CSMD1: variants seen among roughly 807,000 people sequenced by gnomAD.
CSMD1 encodes CUB and Sushi multiple domains 1.
A neutral mutation model predicts 417.5 loss-of-function variants in CSMD1; 213 were observed. That is an observed-to-expected ratio of 0.51 (90% confidence interval 0.46 to 0.57). The LOEUF is 0.57. Ranked by LOEUF, CSMD1 falls within the 20% of genes least tolerant of loss-of-function variation. The pLI, the probability that CSMD1 is intolerant of heterozygous loss-of-function variation, is 0.00. For synonymous variants in CSMD1, 2,862 were observed against 1,736.8 expected (o/e 1.65, Z -16.11); for missense variants, 6,923 against 4,529.7 (o/e 1.53, Z -15.17).
chr8:3,613,315 G>A (rs1353699719), intron 8 of CSMD1: 3 of 415,696 alleles, frequency 7.2e-6, no homozygotes, highest in South Asian at 1.8e-5. Context: ...AGCTTCCCTG[G>A]TGAATTATTC....
chr8:3,093,794 C>T (rs931534487), intron 47 of CSMD1, among the ~76,000 whole-genome samples: 6 of 152,024 alleles, frequency 3.9e-5, no homozygotes, highest in Non-Finnish European at 5.9e-5. Context: ...ATTAAATAAT[C>T]GGGCAATGCT....
chr8:3,310,287 C>T lies in CSMD1; in HGVS notation c.3632-1784G>A, dbSNP rs141207939. 2.7e-3 allele frequency among the ~76,000 whole-genome samples: 405 copies of T among 152,250 alleles called. 4 individuals carry two copies. Among genetic ancestry groups the T allele is most frequent in the African/African-American group, 9.0e-3 (373 of 41,542 alleles). On this transcript the variant is annotated intron_variant, in intron 23 of 69. Coordinates refer to ENST00000635120, the MANE Select transcript of CSMD1 (RefSeq NM_033225.6). ...ATTATTCAGTGCTCATTTCTGTTTTCGCAGAGAGGAAAAAAGAAGCAGAAG... is the reference window on the plus strand; with the variant it reads ...ATTATTCAGTGCTCATTTCTGTTTTTGCAGAGAGGAAAAAAGAAGCAGAAG...
chr8:4,917,695 G>A (rs552174165), intron 1 of CSMD1, among the ~76,000 whole-genome samples: 2 of 152,284 alleles, frequency 1.3e-5, no homozygotes, highest in South Asian at 4.2e-4. Context: ...TGGGGGCATA[G>A]AGACAAACCG....
At chr8:4,844,866 T>A (rs1034604429) in intron 1 of CSMD1, among the ~76,000 whole-genome samples, 1 of 152,180 alleles carries the variant, frequency 6.6e-6, no homozygotes, top group African/African-American at 2.4e-5. Context: ...ATGCCAGTAC[T>A]ACATCTGCTT....
intron 7 of CSMD1, among the ~76,000 whole-genome samples, chr8:3,621,878 G>C (rs1445073519): frequency 2.0e-5 from 3 of 151,986 alleles, no homozygotes; most frequent in South Asian, 2.1e-4. Context: ...CAAAGTGCTG[G>C]AATTACAGTA....
At chr8:4,476,483 T>C (rs1224367954) in intron 2 of CSMD1, among the ~76,000 whole-genome samples, 1 of 152,206 alleles carries the variant, frequency 6.6e-6, no homozygotes, top group East Asian at 1.9e-4. Context: ...CTCATCTGAA[T>C]TAATACTGAA....
chr8:3,661,025 C>T (rs540343296), intron 7 of CSMD1, among the ~76,000 whole-genome samples: 2 of 152,162 alleles, frequency 1.3e-5, no homozygotes, highest in African/African-American at 2.4e-5. Context: ...ATTTGGTATG[C>T]GGATGCTTCC....
intron 2 of CSMD1, among the ~76,000 whole-genome samples, chr8:4,506,247 C>A (rs1802520014): frequency 6.6e-6 from 1 of 152,080 alleles, no homozygotes; most frequent in Non-Finnish European, 1.5e-5. Flanking sequence ...ATTGGAGCAC[C>A]TCACTAATGT....
chr8:4,301,098 T>C (rs567531213), intron 3 of CSMD1, among the ~76,000 whole-genome samples: 1 of 152,148 alleles, frequency 6.6e-6, no homozygotes, highest in Admixed American at 6.5e-5. Context: ...GAGTTCCCAT[T>C]GAAACTCTTG....
chr8:4,445,858 T>C (rs1413505491), intron 2 of CSMD1, among the ~76,000 whole-genome samples: 1 of 152,176 alleles, frequency 6.6e-6, no homozygotes, highest in Non-Finnish European at 1.5e-5. Context: ...AATGCAGAAG[T>C]GTTCTCCCGC....
chr8:4,293,045 C>T (rs1296095085), intron 3 of CSMD1, among the ~76,000 whole-genome samples: 4 of 152,140 alleles, frequency 2.6e-5, no homozygotes, highest in Non-Finnish European at 4.4e-5. Flanking sequence ...TGAGAAGGGG[C>T]TATTCCACCA....
intron 23 of CSMD1, among the ~76,000 whole-genome samples, chr8:3,317,048 A>G (rs377065240): frequency 6.6e-6 from 1 of 152,092 alleles, no homozygotes; most frequent in Admixed American, 6.6e-5. Context: ...AGCCTGAGTG[A>G]GAGTGGACAC....
chr8:4,212,748 ATTCTTTTTT>A (rs1302243265), intron 3 of CSMD1, among the ~76,000 whole-genome samples: 1 of 101,864 alleles, frequency 9.8e-6, no homozygotes, highest in African/African-American at 5.3e-5. Flanking sequence ...CAGCGGCCTT[ATTCTTTTTT>A]TTTTTTTTTT....
At chr8:4,220,441 G>C (rs1800958172) in intron 3 of CSMD1, among the ~76,000 whole-genome samples, 1 of 152,242 alleles carries the variant, frequency 6.6e-6, no homozygotes, top group Non-Finnish European at 1.5e-5. Context: ...GATGGCATTA[G>C]AGGTCAGGGC....
intron 1 of CSMD1, among the ~76,000 whole-genome samples, chr8:4,949,177 G>A (rs867002397): frequency 6.6e-5 from 10 of 152,026 alleles, no homozygotes; most frequent in Non-Finnish European, 1.5e-4. Context: ...AGTTTATCAT[G>A]TTATAATATT....
Position 3,969,834 on chromosome 8 carries a change from G to C in CSMD1, c.818+28069C>G, listed in dbSNP as rs181233782. 3.9e-5 allele frequency among the ~76,000 whole-genome samples: 6 copies of C among 152,252 alleles called. No homozygotes were observed. The East Asian group carries it at 1.2e-3, about 29-fold the overall frequency. The stretch of plus-strand genomic sequence containing the variant: ...AAAGACGGGGAGATTTTTAAATGAA[G>C]TATCCATCTATAAGTGCATTTCTAG... On this transcript the variant is annotated intron_variant, in intron 5 of 69. Transcript: ENST00000635120.
chr8:3,921,890 G>T (rs1430481337), intron 5 of CSMD1, among the ~76,000 whole-genome samples: 1 of 152,114 alleles, frequency 6.6e-6, no homozygotes, highest in Non-Finnish European at 1.5e-5. Flanking sequence ...GCATGTGTCT[G>T]TTAGGTCCAT....
chr8:3,291,848 T>G (rs1325804105), intron 25 of CSMD1, among the ~76,000 whole-genome samples: 1 of 152,126 alleles, frequency 6.6e-6, no homozygotes, highest in Non-Finnish European at 1.5e-5. Context: ...CCGATCTTAG[T>G]TATTTCTTGC....
At chr8:4,486,425 T>C (rs1024619235) in intron 2 of CSMD1, among the ~76,000 whole-genome samples, 8 of 151,224 alleles carry the variant, frequency 5.3e-5, no homozygotes, top group Non-Finnish European at 8.8e-5. Flanking sequence ...TTATATTTAA[T>C]TATAATATAG....
Sources: gnomAD v4.1 joint callset for allele counts (sites outside exome capture counted in the v4.1 genomes callset) on GRCh38, gnomAD v4.1.1 for gene constraint, MANE v1.5 for transcripts, NCBI Gene and HGNC (gene_info 2026-07-23, HGNC 2026-07-21) for gene names.